Variants in TMEM108 observed in about 807,000 individuals in gnomAD.
TMEM108 encodes transmembrane protein 108.
TMEM108 carries 12 observed loss-of-function variants against 35.1 expected under a neutral mutation model. The ratio of observed to expected loss-of-function variants is 0.34; its 90% CI spans 0.22 to 0.55. TMEM108 has a LOEUF of 0.55. Ranked by LOEUF, TMEM108 falls within the 20% of genes least tolerant of loss-of-function variation. The probability of loss-of-function intolerance (pLI) is 0.89; values close to 1 mark genes in which losing one functional copy is unlikely to be tolerated. For missense variants in TMEM108, 680 were observed against 753.3 expected, an observed-to-expected ratio of 0.90 and a Z score of 1.14; for synonymous variants, 287 against 308.6, an observed-to-expected ratio of 0.93 and a Z score of 0.73.
At chr3:133,084,335 T>G (rs1943853723) in intron 2 of TMEM108, among the ~76,000 whole-genome samples, 1 of 152,190 alleles carries the variant, frequency 6.6e-6, no homozygotes, top group Admixed American at 6.5e-5. Flanking sequence ...TTACTGTCAC[T>G]AGAACAATCA....
At chr3:133,326,249 C>G (rs1427640495) in intron 3 of TMEM108, among the ~76,000 whole-genome samples, 1 of 152,176 alleles carries the variant, frequency 6.6e-6, no homozygotes, top group African/African-American at 2.4e-5. Context: ...AACACATGTA[C>G]TAGTGCCCCT....
At chr3:133,070,781 GTGTT>G (rs1943667112) in intron 2 of TMEM108, among the ~76,000 whole-genome samples, 1 of 148,686 alleles carries the variant, frequency 6.7e-6, no homozygotes, top group African/African-American at 2.5e-5. Flanking sequence ...GTATCTGTGT[GTGTT>G]TGTGTGAGTG....
At chr3:133,188,271 C>T (rs573531930) in intron 2 of TMEM108, among the ~76,000 whole-genome samples, 3 of 152,236 alleles carry the variant, frequency 2.0e-5, no homozygotes, top group South Asian at 4.1e-4. Context: ...GTAGGATAAT[C>T]TCCTCATATA....
At chr3:133,272,635 G>A (rs947451046) in intron 3 of TMEM108, among the ~76,000 whole-genome samples, 2 of 152,134 alleles carry the variant, frequency 1.3e-5, no homozygotes, top group African/African-American at 4.8e-5. Context: ...ATGACTAGGA[G>A]CAAGCATTAC....
At chr3:133,361,353 A>C (rs1331600125) in intron 3 of TMEM108, among the ~76,000 whole-genome samples, 1 of 152,242 alleles carries the variant, frequency 6.6e-6, no homozygotes, top group Non-Finnish European at 1.5e-5. Context: ...CAAATTACTT[A>C]ATCCATTTGT....
intron 2 of TMEM108, among the ~76,000 whole-genome samples, chr3:133,225,914 C>A (rs997001318): frequency 6.6e-6 from 1 of 152,276 alleles, no homozygotes; most frequent in Non-Finnish European, 1.5e-5. Flanking sequence ...ATGTGAGGAC[C>A]AAGACCTGCG....
intron 2 of TMEM108, among the ~76,000 whole-genome samples, chr3:133,071,646 A>G (rs1943677506): frequency 1.3e-5 from 2 of 152,180 alleles, no homozygotes; most frequent in African/African-American, 4.8e-5. Context: ...TATCTATGGA[A>G]ATAATACACA....
chr3:133,220,799 A>G (rs115230118), intron 2 of TMEM108, among the ~76,000 whole-genome samples: 5 of 152,332 alleles, frequency 3.3e-5, no homozygotes, highest in Admixed American at 1.3e-4. Flanking sequence ...TTAGATGTCA[A>G]TCAGAAGTAG....
intron 2 of TMEM108, chr3:133,119,257 AAG>A (rs1379480193): frequency 6.6e-6 from 1 of 152,096 alleles, no homozygotes; most frequent in East Asian, 1.9e-4. Flanking sequence ...AGAGGGAAAA[AAG>A]AGTAGGCACT....
At chr3:133,161,300 C>A (rs964042645) in intron 2 of TMEM108, among the ~76,000 whole-genome samples, 1 of 152,186 alleles carries the variant, frequency 6.6e-6, no homozygotes, top group African/African-American at 2.4e-5. Flanking sequence ...TCAGCTCTCA[C>A]CTTAACATCC....
chr3:133,212,978 A>G (rs538345318), intron 2 of TMEM108, among the ~76,000 whole-genome samples: 4 of 152,274 alleles, frequency 2.6e-5, no homozygotes, highest in African/African-American at 9.6e-5. Flanking sequence ...TATGCAAAGC[A>G]TCTGTATCAA....
At chr3:133,291,572 C>G (rs1947069809) in intron 3 of TMEM108, among the ~76,000 whole-genome samples, 1 of 145,664 alleles carries the variant, frequency 6.9e-6, no homozygotes, top group African/African-American at 2.4e-5. Flanking sequence ...GCCAGCACAC[C>G]AGGCCTACCA....
intron 4 of TMEM108, chr3:133,388,581 T>G: frequency 1.0e-6 from 1 of 985,442 alleles, no homozygotes; most frequent in Non-Finnish European, 1.2e-6. Flanking sequence ...CAGAAATTCC[T>G]TCTATGTTTT....
intron 2 of TMEM108, among the ~76,000 whole-genome samples, chr3:133,182,244 CTT>C (rs1436485268): frequency 6.6e-6 from 1 of 152,192 alleles, no homozygotes; most frequent in Non-Finnish European, 1.5e-5. Context: ...GGAAGGTTAA[CTT>C]TTCCCTTCAG....
chr3:133,251,376 TTAAGA>T (rs1946467711), intron 3 of TMEM108, among the ~76,000 whole-genome samples: 1 of 152,166 alleles, frequency 6.6e-6, no homozygotes, highest in African/African-American at 2.4e-5. Context: ...TTATAATATG[TTAAGA>T]TAAGGTCTCT....
intron 3 of TMEM108, among the ~76,000 whole-genome samples, chr3:133,259,717 G>A (rs1437442580): frequency 6.6e-6 from 1 of 152,224 alleles, no homozygotes; most frequent in Non-Finnish European, 1.5e-5. Context: ...ACAGGGCCCA[G>A]TGGCCACTAG....
At chr3:133,386,942 G>C in intron 4 of TMEM108, 1 of 904,062 alleles carries the variant, frequency 1.1e-6, no homozygotes, top group Non-Finnish European at 1.3e-6. Context: ...TCCTCAGGCA[G>C]TTATCATGTG....
At chr3:133,388,485 G>A in intron 4 of TMEM108, 1 of 985,412 alleles carries the variant, frequency 1.0e-6, no homozygotes, top group Non-Finnish European at 1.2e-6. Context: ...TTTTTGGAAG[G>A]AAGGGAGGGA....
chr3:133,059,501 G>T (rs1943511771), intron 2 of TMEM108, among the ~76,000 whole-genome samples: 1 of 152,158 alleles, frequency 6.6e-6, no homozygotes, highest in Non-Finnish European at 1.5e-5. Context: ...TGAAGAACCT[G>T]CAATCTCAGG....
Sources: allele counts gnomAD v4.1 joint callset (sites outside exome capture counted in the v4.1 genomes callset), GRCh38; gene constraint gnomAD v4.1.1; transcripts MANE v1.5; gene names NCBI Gene and HGNC (gene_info 2026-07-23, HGNC 2026-07-21).